XYLT1: variants seen among roughly 807,000 people sequenced by gnomAD.
The protein encoded by XYLT1 is beta-D-xylosyltransferase 1.
XYLT1 carries 36 observed loss-of-function variants against 91.3 expected under a neutral mutation model. The observed-to-expected ratio is 0.39, with a 90% confidence interval of 0.30 to 0.52. The LOEUF is 0.52. XYLT1 is among the 20% of genes least tolerant of loss of function. The pLI, the probability that XYLT1 is intolerant of heterozygous loss-of-function variation, is 0.68. For synonymous variants in XYLT1, 588 were observed against 532.0 expected, an observed-to-expected ratio of 1.11 and a Z score of -1.45; for missense variants, 1,242 against 1,284.5, an observed-to-expected ratio of 0.97 and a Z score of 0.51.
intron 8 of XYLT1, 127 bp downstream of exon 8, chr16:17,138,224 ATTAT>A (rs2030827461): frequency 1.1e-5 from 10 of 883,950 alleles, no homozygotes; most frequent in African/African-American, 4.6e-5. Flanking sequence ...ACTGTTAACT[ATTAT>A]TAATTATCAA....
chr16:17,358,278 C>A (rs535339526), intron 1 of XYLT1, among the ~76,000 whole-genome samples: 5 of 152,024 alleles, frequency 3.3e-5, no homozygotes, highest in African/African-American at 1.2e-4. Flanking sequence ...TGACTACAGG[C>A]ATGCACTATC....
At chr16:17,356,726 G>T (rs921510124) in intron 2 of XYLT1, among the ~76,000 whole-genome samples, 5 of 152,194 alleles carry the variant, frequency 3.3e-5, no homozygotes, top group African/African-American at 9.6e-5. Flanking sequence ...TCTGACACTT[G>T]CAAGCTATTC....
chr16:17,365,018 A>C (rs571107957), intron 1 of XYLT1, among the ~76,000 whole-genome samples: 1 of 152,310 alleles, frequency 6.6e-6, no homozygotes, highest in Non-Finnish European at 1.5e-5. Flanking sequence ...CTGACAAAGA[A>C]TACGATTCCT....
chr16:17,322,594 C>G (rs2034740909), intron 2 of XYLT1, among the ~76,000 whole-genome samples: 1 of 152,210 alleles, frequency 6.6e-6, no homozygotes, highest in Non-Finnish European at 1.5e-5. Flanking sequence ...TCTGCACATG[C>G]TGCTCCTGAT....
intron 2 of XYLT1, among the ~76,000 whole-genome samples, chr16:17,283,559 C>T (rs186005892): frequency 2.6e-4 from 39 of 152,346 alleles, no homozygotes; most frequent in African/African-American, 8.2e-4. Flanking sequence ...CCTGCCTCAG[C>T]GTCCTTCCCA....
intron 1 of XYLT1, among the ~76,000 whole-genome samples, chr16:17,460,248 G>C (rs1312280560): frequency 6.6e-6 from 1 of 152,128 alleles, no homozygotes; most frequent in African/African-American, 2.4e-5. Context: ...ACAAGGTCAC[G>C]GGAAACACAG....
chr16:17,210,469 C>T (rs916895060), intron 3 of XYLT1, among the ~76,000 whole-genome samples: 4 of 152,278 alleles, frequency 2.6e-5, no homozygotes, highest in Admixed American at 2.0e-4. Flanking sequence ...CCCAGCTACT[C>T]AGGAGGCTGA....
At chr16:17,178,384 C>T (rs184588360) in intron 5 of XYLT1, among the ~76,000 whole-genome samples, 279 of 152,276 alleles carry the variant, frequency 1.8e-3, no homozygotes, top group African/African-American at 6.4e-3. Context: ...GGATCTCCAT[C>T]ACTCATTCTC....
intron 1 of XYLT1, among the ~76,000 whole-genome samples, chr16:17,404,098 G>GT: frequency 9.9e-6 from 1 of 100,964 alleles, no homozygotes; most frequent in Non-Finnish European, 2.3e-5. Flanking sequence ...TCTATGTGTG[G>GT]TTGGGGGGGG....
At chr16:17,114,607 T>TCAAG (rs1303626179) in intron 11 of XYLT1, among the ~76,000 whole-genome samples, 1 of 152,182 alleles carries the variant, frequency 6.6e-6, no homozygotes, top group Admixed American at 6.5e-5. Context: ...TTGCTAGGAC[T>TCAAG]CAAGGCACCT....
At chr16:17,381,372 C>T (rs1418396651) in intron 1 of XYLT1, among the ~76,000 whole-genome samples, 1 of 149,990 alleles carries the variant, frequency 6.7e-6, no homozygotes, top group Non-Finnish European at 1.5e-5. Context: ...TTATTTATTT[C>T]ATGCTATTCA....
At chr16:17,427,631 T>C (rs1276883717) in intron 1 of XYLT1, among the ~76,000 whole-genome samples, 1 of 152,136 alleles carries the variant, frequency 6.6e-6, no homozygotes, top group African/African-American at 2.4e-5. Context: ...CAACACAAGG[T>C]TGCCCAAATG....
chr16:17,281,976 G>A (rs1435646672), intron 2 of XYLT1, among the ~76,000 whole-genome samples: 2 of 152,174 alleles, frequency 1.3e-5, no homozygotes, highest in East Asian at 3.9e-4. Context: ...AATGGGGATG[G>A]ATGAAGAGAT....
At chr16:17,288,254 C>T (rs772794999) in intron 2 of XYLT1, among the ~76,000 whole-genome samples, 46 of 150,966 alleles carry the variant, frequency 3.0e-4, no homozygotes, top group Non-Finnish European at 5.9e-5. Flanking sequence ...AGGTGGGGGC[C>T]GGTAACAGTT....
At chr16:17,258,937 G>A (rs2033676562) in intron 3 of XYLT1, 51 bp downstream of exon 3, 2 of 1,469,536 alleles carry the variant, frequency 1.4e-6, no homozygotes, top group Non-Finnish European at 1.8e-6. Flanking sequence ...CTGGGCAGGA[G>A]GAGGAAGTGG....
rs147426145 is a variant in XYLT1 at position 17,292,016 on chromosome 16, G to A, written c.403-32518C>T. ...AGCCTGGGCAACATGGCAAAACATCGTCTCTACAAAAAAACCCATAAATAA... is the reference window on the plus strand; with the variant it reads ...AGCCTGGGCAACATGGCAAAACATCATCTCTACAAAAAAACCCATAAATAA... On this transcript the variant is annotated intron_variant, in intron 2 of 11. Transcript: ENST00000261381. Among the ~76,000 whole-genome samples the A allele has an allele frequency of 4.3e-3, 653 of 151,572 alleles. 3 individuals carry two copies. Among genetic ancestry groups the A allele is most frequent in the Middle Eastern group, 0.01 (3 of 294 alleles).
intron 1 of XYLT1, among the ~76,000 whole-genome samples, chr16:17,366,719 C>T (rs1308751239): frequency 6.6e-6 from 1 of 152,036 alleles, no homozygotes; most frequent in African/African-American, 2.4e-5. Context: ...AACAAACAAA[C>T]CAACCTTACA....
At chr16:17,275,910 C>G (rs959138995) in intron 2 of XYLT1, among the ~76,000 whole-genome samples, 1 of 152,052 alleles carries the variant, frequency 6.6e-6, no homozygotes, top group African/African-American at 2.4e-5. Context: ...AGCTCATTAC[C>G]GCAGGGCCTC....
intron 6 of XYLT1, among the ~76,000 whole-genome samples, chr16:17,151,479 C>T (rs73531342): frequency 0.021 from 3,169 of 152,210 alleles, 115 homozygotes; most frequent in African/African-American, 0.073. Flanking sequence ...AAGTCTGTCT[C>T]GCCACCTATG....
Sources: allele counts gnomAD v4.1 joint callset (sites outside exome capture counted in the v4.1 genomes callset), GRCh38; gene constraint gnomAD v4.1.1; transcripts MANE v1.5; gene names NCBI Gene and HGNC (gene_info 2026-07-23, HGNC 2026-07-21).